The following NRXN3 variants were observed in gnomAD, a reference collection of about 807,000 sequenced individuals.
NRXN3 encodes neurexin III.
A neutral mutation model predicts 137.6 loss-of-function variants in NRXN3; 32 were observed. The observed-to-expected ratio is 0.23, with a 90% confidence interval of 0.18 to 0.31. The LOEUF (loss-of-function observed/expected upper bound fraction) is 0.31, where lower values mean the gene tolerates loss of function less well. NRXN3 is among the 10% of genes least tolerant of loss of function. The pLI is 1.00. For missense variants in NRXN3, 1,574 were observed against 2,062.5 expected (o/e 0.76, Z 4.59); for synonymous variants, 798 against 784.5 (o/e 1.02, Z -0.29).
chr14:79,785,624 A>G lies in NRXN3; in HGVS notation c.4015-19488A>G, dbSNP rs1286696326. ...CACAGTTTTTTTTCTTTTTACTATCATTTAAGGACAGTTAGGCCAAACACT... is the reference window on the plus strand; with the variant it reads ...CACAGTTTTTTTTCTTTTTACTATCGTTTAAGGACAGTTAGGCCAAACACT... On this transcript the variant is annotated intron_variant, in intron 19 of 20. Transcript: ENST00000335750. Among the ~76,000 whole-genome samples, 3 of 152,126 alleles carry G rather than the reference A, an allele frequency of 2.0e-5. No homozygotes were observed. The East Asian group carries it at 5.8e-4, about 29-fold the overall frequency.
intron 15 of NRXN3, among the ~76,000 whole-genome samples, chr14:79,169,593 A>G (rs1434183452): frequency 6.6e-6 from 1 of 152,012 alleles, no homozygotes; most frequent in Non-Finnish European, 1.5e-5. Context: ...GCTTCATTTC[A>G]ACTTAGCCTA....
chr14:78,361,857 T>C (rs1450600509), intron 4 of NRXN3, among the ~76,000 whole-genome samples: 1 of 152,142 alleles, frequency 6.6e-6, no homozygotes, highest in African/African-American at 2.4e-5. Flanking sequence ...AGGAATCACA[T>C]CAAGGTACTT....
At chr14:79,621,305 A>G (rs2098221699) in intron 16 of NRXN3, among the ~76,000 whole-genome samples, 1 of 152,208 alleles carries the variant, frequency 6.6e-6, no homozygotes, top group Admixed American at 6.5e-5. Flanking sequence ...ATAAGATGCA[A>G]CCCTCAATTT....
intron 3 of NRXN3, among the ~76,000 whole-genome samples, chr14:78,287,423 T>G (rs1007494444): frequency 1.3e-5 from 2 of 152,236 alleles, no homozygotes; most frequent in African/African-American, 4.8e-5. Context: ...TATCCATGCA[T>G]GTATCCCCAC....
intron 4 of NRXN3, among the ~76,000 whole-genome samples, chr14:78,589,242 C>T (rs945025214): frequency 6.6e-6 from 1 of 152,172 alleles, no homozygotes; most frequent in Non-Finnish European, 1.5e-5. Flanking sequence ...TCTGCAAAAG[C>T]CTACCACCAC....
chr14:78,446,325 C>T (rs1237571967), intron 4 of NRXN3, among the ~76,000 whole-genome samples: 1 of 152,024 alleles, frequency 6.6e-6, no homozygotes, highest in African/African-American at 2.4e-5. Context: ...ATAAAAAAGA[C>T]CAAAGATACA....
At chr14:78,845,905 G>GGTGTGTGTGTGTGT (rs3034390) in intron 10 of NRXN3, among the ~76,000 whole-genome samples, 1 of 146,232 alleles carries the variant, frequency 6.8e-6, no homozygotes, top group East Asian at 2.0e-4. Context: ...AGTATGTTGG[G>GGTGTGTGTGTGTGT]GTGTGTGTGT....
intron 16 of NRXN3, among the ~76,000 whole-genome samples, chr14:79,631,850 C>G (rs1171817252): frequency 5.3e-5 from 8 of 152,042 alleles, no homozygotes. Context: ...CCTTTTCTGT[C>G]TAGCTAAAGG....
intron 15 of NRXN3, among the ~76,000 whole-genome samples, chr14:79,167,275 A>G (rs1890516560): frequency 6.6e-6 from 1 of 152,032 alleles, no homozygotes; most frequent in Non-Finnish European, 1.5e-5. Context: ...TGTCTTTGGA[A>G]ACCAGTGACC....
At chr14:79,399,868 A>C (rs2095139941) in intron 15 of NRXN3, among the ~76,000 whole-genome samples, 1 of 152,100 alleles carries the variant, frequency 6.6e-6, no homozygotes, top group Non-Finnish European at 1.5e-5. Context: ...CTAGGGGAGA[A>C]TTCTTCCTTG....
chr14:79,549,477 C>G (rs2097353209), intron 16 of NRXN3, among the ~76,000 whole-genome samples: 2 of 152,146 alleles, frequency 1.3e-5, no homozygotes, highest in South Asian at 4.1e-4. Flanking sequence ...TACTCCTTCC[C>G]TGAGCTTGTT....
chr14:78,816,438 T>C (rs1056443924), intron 10 of NRXN3, among the ~76,000 whole-genome samples: 1 of 152,134 alleles, frequency 6.6e-6, no homozygotes, highest in Non-Finnish European at 1.5e-5. Flanking sequence ...TTCCACATCT[T>C]ATTTTTCCAC....
intron 15 of NRXN3, among the ~76,000 whole-genome samples, chr14:79,157,813 A>C (rs942943525): frequency 1.3e-5 from 2 of 151,832 alleles, no homozygotes; most frequent in South Asian, 4.1e-4. Context: ...ATGAAGGATT[A>C]CTTATAACAA....
Position 78,243,369 on chromosome 14 carries a change from C to T in NRXN3, c.276C>T (p.Asp92=). Residue 92 remains aspartate, a synonymous_variant, in exon 2 of 21, where the codon GAC becomes GAT. Transcript: ENST00000335750. This position sits in a 1 kb window ranked among gnomAD's most constrained non-coding sequence, Gnocchi z 4.2. ...GCGTTCAGCTCCGCTTCAGCATGGA[C>T]TGTGCCGAGACTGCCGTGCTGTCCA... ...DGRVQLRFSM[D]CAETAVLSNK... is the part of the protein sequence containing the mutation. 1 of 1,564,416 alleles carries T rather than the reference C, an allele frequency of 6.4e-7. No individual in the cohort carries two copies. Among genetic ancestry groups the T allele is most frequent in the Non-Finnish European group, 8.6e-7 (1 of 1,162,608 alleles).
rs528776342 is a variant in NRXN3, at chr14:78,981,868, T to C, written c.3143-6154T>C. ...TGTGAAATGCATACATTAAATACATTGACATAAAATAGGCTCTGTTTAGGA... is the reference window on the plus strand; with the variant it reads ...TGTGAAATGCATACATTAAATACATCGACATAAAATAGGCTCTGTTTAGGA... On this transcript the variant is annotated intron_variant, in intron 14 of 20. Transcript: ENST00000335750. Among the ~76,000 whole-genome samples the C allele has an allele frequency of 2.6e-4, 40 of 152,302 alleles. 2 individuals carry two copies. The East Asian group carries it at 7.3e-3, about 28-fold the overall frequency.
chr14:79,375,893 C>G (rs2094258931), intron 15 of NRXN3, among the ~76,000 whole-genome samples: 1 of 151,418 alleles, frequency 6.6e-6, no homozygotes, highest in South Asian at 2.1e-4. Flanking sequence ...GTTTCTAATT[C>G]CCAATCAAGG....
At chr14:79,324,707 C>T (rs1020048059) in intron 15 of NRXN3, among the ~76,000 whole-genome samples, 1 of 152,132 alleles carries the variant, frequency 6.6e-6, no homozygotes, top group Non-Finnish European at 1.5e-5. Context: ...ACCATTGGGT[C>T]ATCTTCCCTA....
At chr14:79,526,098 A>G (rs1304128166) in intron 16 of NRXN3, among the ~76,000 whole-genome samples, 1 of 152,002 alleles carries the variant, frequency 6.6e-6, no homozygotes, top group East Asian at 1.9e-4. Flanking sequence ...CCCAGGCTGG[A>G]GTGCAATGGC....
chr14:78,601,815 G>C (rs1447849692), intron 4 of NRXN3, among the ~76,000 whole-genome samples: 1 of 152,058 alleles, frequency 6.6e-6, no homozygotes, highest in Non-Finnish European at 1.5e-5. Context: ...GGTCCATTTT[G>C]CTTATCAGAG....
Sources: allele counts gnomAD v4.1 joint callset (sites outside exome capture counted in the v4.1 genomes callset), GRCh38; gene constraint gnomAD v4.1.1; non-coding constraint Gnocchi (gnomAD v3.1); transcripts MANE v1.5; gene names NCBI Gene and HGNC (gene_info 2026-07-23, HGNC 2026-07-21).